The following TRPC1 variants were observed in gnomAD, a reference collection of about 807,000 sequenced individuals.
TRPC1 encodes the protein short transient receptor potential channel 1.
TRPC1 carries 42 observed loss-of-function variants against 88.2 expected under a neutral mutation model. The ratio of observed to expected loss-of-function variants is 0.48; its 90% CI spans 0.37 to 0.62. The LOEUF (loss-of-function observed/expected upper bound fraction) is 0.62, where lower values mean the gene tolerates loss of function less well. TRPC1 is among the 20% of genes least tolerant of loss of function. TRPC1 has a pLI of 0.00. For synonymous variants in TRPC1, 288 were observed against 331.8 expected, an observed-to-expected ratio of 0.87 and a Z score of 1.43; for missense variants, 699 against 957.3, an observed-to-expected ratio of 0.73 and a Z score of 3.56.
At chr3:142,754,089 CAAAA>C (rs10609600) in intron 4 of TRPC1, among the ~76,000 whole-genome samples, 1,626 of 86,060 alleles carry the variant, frequency 0.019, 7 homozygotes, top group Non-Finnish European at 0.029. Context: ...GACTCCGTCT[CAAAA>C]AAAAAAAAAA....
At chr3:142,753,726 CAAAA>C (rs1198639773) in intron 4 of TRPC1, among the ~76,000 whole-genome samples, 1 of 87,542 alleles carries the variant, frequency 1.1e-5, no homozygotes, top group Admixed American at 1.4e-4. Context: ...GACTCTGCCT[CAAAA>C]AAAAAAAAAA....
chr3:142,730,421 G>A (rs1461942654), intron 1 of TRPC1, among the ~76,000 whole-genome samples: 2 of 152,108 alleles, frequency 1.3e-5, no homozygotes, highest in South Asian at 4.1e-4. Context: ...GGTAATAATT[G>A]TCTTTTTACA....
At chr3:142,793,390 A>C (rs1322913489) in intron 9 of TRPC1, among the ~76,000 whole-genome samples, 2 of 152,124 alleles carry the variant, frequency 1.3e-5, no homozygotes, top group African/African-American at 4.8e-5. Context: ...AGCTGGATTT[A>C]AAAGAATACT....
Position 142,785,021 on chromosome 3 carries a change from T to TC in TRPC1, c.1279dup (p.Leu427ProfsTer14), listed in dbSNP as rs1936087708. 6.2e-7 allele frequency: 1 copy of TC among 1,604,722 alleles called. No individual in the cohort carries two copies. Among genetic ancestry groups the TC allele is most frequent in the Non-Finnish European group, 8.5e-7 (1 of 1,176,058 alleles). On this transcript the variant is annotated frameshift_variant, in exon 7 of 13. Coordinates refer to ENST00000476941, the MANE Select transcript of TRPC1 (RefSeq NM_001251845.2). LOFTEE classifies it high-confidence loss of function. ...CAGCCCTTGAAAGAATAGACTATCT[T>TC]CTTATTCTGTGGATTATTGGTAAGT...
chr3:142,745,998 C>T (rs1201024500), intron 3 of TRPC1, among the ~76,000 whole-genome samples: 1 of 152,176 alleles, frequency 6.6e-6, no homozygotes. Context: ...CTAAGGTGAT[C>T]TACCCTTCTC....
intron 4 of TRPC1, among the ~76,000 whole-genome samples, chr3:142,761,514 G>A (rs1045899167): frequency 1.3e-5 from 2 of 152,264 alleles, no homozygotes; most frequent in East Asian, 3.9e-4. Flanking sequence ...ATATATCAAA[G>A]TGTATTGGCC....
intron 1 of TRPC1, 103 bp from the exon 2 acceptor site, chr3:142,736,276 T>G: frequency 1.2e-6 from 1 of 866,330 alleles, no homozygotes; most frequent in Non-Finnish European, 1.6e-6. Flanking sequence ...AAAAATGAGT[T>G]TAGGCTTTTA....
chr3:142,796,830 A>G (rs1578008694), intron 9 of TRPC1, among the ~76,000 whole-genome samples: 1 of 152,040 alleles, frequency 6.6e-6, no homozygotes, highest in Non-Finnish European at 1.5e-5. Flanking sequence ...AGTGGAGTGG[A>G]TTGAGGAGGA....
rs949617932 is a variant in TRPC1 at position 142,724,304 on chromosome 3, G to A, written c.-256G>A. On this transcript the variant is annotated 5_prime_UTR_variant, in exon 1 of 13. Transcript: ENST00000476941. The surrounding 1 kb of genome is among the most constrained non-coding windows in gnomAD (Gnocchi z 5.6). ...ACGGGCGCGGACCGGCTCGGCCGGG[G>A]CGCCGGCGGCTGGGGAGGGGTCGCT... 3 of 244,140 alleles carry A rather than the reference G, an allele frequency of 1.2e-5. No homozygotes were observed. In the East Asian group the frequency reaches 2.3e-4, roughly 19 times the overall value. 15.1% of individuals were successfully genotyped at this position (244,140 alleles called of 1,614,324 possible).
chr3:142,751,789 A>G (rs1161243486), intron 4 of TRPC1, among the ~76,000 whole-genome samples: 1 of 152,146 alleles, frequency 6.6e-6, no homozygotes, highest in Non-Finnish European at 1.5e-5. Context: ...TGGATTTGAG[A>G]TAGTGACAGA....
chr3:142,724,569 G>T lies in TRPC1; in HGVS notation c.10G>T (p.Ala4Ser), dbSNP rs1933581693. MMAALYPSTDLSGA... is the reference protein window; with the variant it reads MMASLYPSTDLSGA... ...CCCTTCATGGGCCGCGATGATGGCG[G>T]CCCTGTACCCGAGCACGGACCTCTC... is the stretch of plus-strand genomic sequence containing the variant. The change falls in exon 1 of 13, where the codon GCC (alanine) becomes TCC (serine). Residue 4 changes from alanine to serine, a missense_variant. This residue lies in a region of TRPC1 where 157 missense variants were observed against 127.0 expected (regional missense o/e 1.24). Coordinates refer to ENST00000476941, the MANE Select transcript of TRPC1 (RefSeq NM_001251845.2). This position sits in a 1 kb window ranked among gnomAD's most constrained non-coding sequence, Gnocchi z 5.6. 6.3e-7 allele frequency: 1 copy of T among 1,578,524 alleles called. No individual in the cohort carries two copies. The highest frequency in any genetic ancestry group is 8.6e-7 in the Non-Finnish European group (1 of 1,164,328).
At chr3:142,746,134 A>G (rs1934545540) in intron 3 of TRPC1, among the ~76,000 whole-genome samples, 1 of 152,228 alleles carries the variant, frequency 6.6e-6, no homozygotes, top group Non-Finnish European at 1.5e-5. Context: ...TAAACTGGCT[A>G]TAAGCAGAAG....
intron 3 of TRPC1, among the ~76,000 whole-genome samples, chr3:142,747,135 T>G (rs1446395203): frequency 6.6e-6 from 1 of 152,192 alleles, no homozygotes; most frequent in African/African-American, 2.4e-5. Context: ...TAATGACCAC[T>G]GTTTAATCAT....
chr3:142,787,997 T>C (rs1200275351), intron 7 of TRPC1, among the ~76,000 whole-genome samples: 2 of 152,284 alleles, frequency 1.3e-5, no homozygotes, highest in East Asian at 3.9e-4. Flanking sequence ...AAGGCTAACA[T>C]TTCTGGAGCA....
intron 4 of TRPC1, among the ~76,000 whole-genome samples, chr3:142,757,655 G>A (rs1367135638): frequency 6.6e-6 from 1 of 150,686 alleles, no homozygotes; most frequent in Non-Finnish European, 1.5e-5. Context: ...GGGATGGGGG[G>A]CAAGGGGAGG....
intron 4 of TRPC1, among the ~76,000 whole-genome samples, chr3:142,766,312 A>G (rs1481981588): frequency 6.6e-6 from 1 of 152,110 alleles, no homozygotes; most frequent in Non-Finnish European, 1.5e-5. Flanking sequence ...GGTGGGCACA[A>G]TCTAATAAGC....
chr3:142,805,966 A>G (rs770286238), intron 12 of TRPC1, 42 bp from the exon 13 acceptor site: 9 of 1,550,810 alleles, frequency 5.8e-6, no homozygotes, highest in Non-Finnish European at 7.9e-6. Context: ...TCATTTAAAT[A>G]TCGTTTCTGC....
rs138866004 is a variant in TRPC1 at position 142,751,384 on chromosome 3, G to A, written c.632+2924G>A. Reference sequence around the variant, plus strand: ...TTACTATTGTGTTACAGTTACCTACGGTATTTAGCATAGTAACATGCTATA... The same window carrying A: ...TTACTATTGTGTTACAGTTACCTACAGTATTTAGCATAGTAACATGCTATA... On this transcript the variant is annotated intron_variant, in intron 4 of 12. Transcript: ENST00000476941. Among the ~76,000 whole-genome samples the A allele has an allele frequency of 3.6e-3, 547 of 152,002 alleles. 1 individual carries two copies. The highest frequency in any genetic ancestry group is 6.4e-3 in the South Asian group (31 of 4,810).
intron 1 of TRPC1, among the ~76,000 whole-genome samples, chr3:142,732,146 T>C (rs1309445198): frequency 6.6e-6 from 1 of 151,886 alleles, no homozygotes; most frequent in African/African-American, 2.4e-5. Context: ...AGGGGGTGAG[T>C]GTGGGCTCAG....
Sources: allele counts gnomAD v4.1 joint callset (sites outside exome capture counted in the v4.1 genomes callset), GRCh38; gene constraint gnomAD v4.1.1; regional missense constraint gnomAD v4.1.1; non-coding constraint Gnocchi (gnomAD v3.1); transcripts MANE v1.5; gene names NCBI Gene and HGNC (gene_info 2026-07-23, HGNC 2026-07-21).